Variants in ADGB observed in about 807,000 individuals in gnomAD.
ADGB encodes the protein androglobin.
ADGB carries 172 observed loss-of-function variants against 210.5 expected under a neutral mutation model. That is an observed-to-expected ratio of 0.82 (90% confidence interval 0.72 to 0.93). The LOEUF is 0.93. Ranked by LOEUF, ADGB falls within the 40% of genes least tolerant of loss-of-function variation. ADGB has a pLI of 0.00. For missense variants in ADGB, 2,025 were observed against 1,964.8 expected, an observed-to-expected ratio of 1.03 and a Z score of -0.58; for synonymous variants, 658 against 662.7, an observed-to-expected ratio of 0.99 and a Z score of 0.11.
intron 3 of ADGB, among the ~76,000 whole-genome samples, chr6:146,650,579 C>T (rs1171157710): frequency 1.4e-5 from 1 of 69,208 alleles, no homozygotes; most frequent in Non-Finnish European, 2.6e-5. Flanking sequence ...ACAATAAATA[C>T]TCCTGAGTCC....
intron 12 of ADGB, among the ~76,000 whole-genome samples, chr6:146,696,120 G>C (rs950480215): frequency 4.6e-5 from 7 of 150,898 alleles, no homozygotes; most frequent in African/African-American, 1.7e-4. Context: ...CTGCTGCCCA[G>C]GCTAGAGTGC....
At chr6:146,672,898 T>C (rs1776030886) in intron 8 of ADGB, among the ~76,000 whole-genome samples, 2 of 151,836 alleles carry the variant, frequency 1.3e-5, no homozygotes, top group Admixed American at 1.3e-4. Context: ...GCCCAGCTAA[T>C]TTTTGTGTTT....
At chr6:146,703,726 T>A (rs569515933) in intron 13 of ADGB, among the ~76,000 whole-genome samples, 16 of 152,104 alleles carry the variant, frequency 1.1e-4, no homozygotes, top group African/African-American at 3.8e-4. Context: ...TTAGTTTGAT[T>A]TCATATTTTG....
At chr6:146,704,697 T>C (rs1466916058) in intron 13 of ADGB, among the ~76,000 whole-genome samples, 1 of 152,016 alleles carries the variant, frequency 6.6e-6, no homozygotes, top group Non-Finnish European at 1.5e-5. Context: ...TTGTAGTGTA[T>C]TTTGAAGTCA....
chr6:146,791,057 G>A (rs1389035330), intron 33 of ADGB, among the ~76,000 whole-genome samples: 1 of 152,138 alleles, frequency 6.6e-6, no homozygotes, highest in South Asian at 2.1e-4. Context: ...TCTTATTATT[G>A]AGTAGCTTAA....
At chr6:146,614,971 G>T (rs986427150) in intron 1 of ADGB, among the ~76,000 whole-genome samples, 4 of 152,176 alleles carry the variant, frequency 2.6e-5, no homozygotes, top group Non-Finnish European at 5.9e-5. Context: ...CACGATCTCG[G>T]CTCCCTGCAG....
At chr6:146,626,869 CT>C (rs1780980233) in intron 1 of ADGB, among the ~76,000 whole-genome samples, 1 of 151,748 alleles carries the variant, frequency 6.6e-6, no homozygotes, top group Non-Finnish European at 1.5e-5. Flanking sequence ...TTAATCCCTT[CT>C]TGGTGACAAC....
intron 1 of ADGB, among the ~76,000 whole-genome samples, chr6:146,612,425 G>A (rs566860656): frequency 3.9e-5 from 6 of 152,084 alleles, no homozygotes; most frequent in Middle Eastern, 3.4e-3. Context: ...CTCATTTTAG[G>A]GAATGTTACT....
chr6:146,693,742 C>T (rs1776364979), intron 12 of ADGB, among the ~76,000 whole-genome samples: 1 of 152,062 alleles, frequency 6.6e-6, no homozygotes, highest in Admixed American at 6.6e-5. Context: ...TCAAGAGAAG[C>T]CACGCCGCAC....
rs148890022 is a variant in ADGB at position 146,735,409 on chromosome 6, G to T, written c.2795-1089G>T. The stretch of plus-strand genomic sequence containing the variant: ...CACATTCATGAAAGAGAGAGAGAGA[G>T]ATAAAGGAGGGATAGAGAGAGCCAG... On this transcript the variant is annotated intron_variant, in intron 22 of 35. Coordinates refer to ENST00000397944, the MANE Select transcript of ADGB (RefSeq NM_024694.4). Among the ~76,000 whole-genome samples the T allele has an allele frequency of 1.3e-3, 199 of 152,180 alleles. 2 individuals are homozygous for T. The highest frequency in any genetic ancestry group is 4.6e-3 in the African/African-American group (191 of 41,490).
chr6:146,622,333 G>A (rs1780906069), intron 1 of ADGB, among the ~76,000 whole-genome samples: 1 of 152,096 alleles, frequency 6.6e-6, no homozygotes. Context: ...GTATCAGCTG[G>A]GCTGGGTTCT....
intron 7 of ADGB, 29 bp downstream of exon 7, chr6:146,666,931 C>T (rs1295098324): frequency 6.9e-7 from 1 of 1,443,894 alleles, no homozygotes; most frequent in African/African-American, 1.4e-5. Flanking sequence ...TTGCTCATAT[C>T]TATTTTTTTT....
intron 7 of ADGB, among the ~76,000 whole-genome samples, chr6:146,670,479 T>A (rs1281480268): frequency 6.6e-6 from 1 of 152,164 alleles, no homozygotes; most frequent in Non-Finnish European, 1.5e-5. Flanking sequence ...TGGAATGACC[T>A]TTCATCAGAT....
chr6:146,739,946 T>C (rs920407650), intron 23 of ADGB, among the ~76,000 whole-genome samples: 1 of 152,198 alleles, frequency 6.6e-6, no homozygotes, highest in Non-Finnish European at 1.5e-5. Context: ...TACTCCCTTA[T>C]ACACTCAGAA....
At chr6:146,609,634 G>A (rs59181538) in intron 1 of ADGB, among the ~76,000 whole-genome samples, 10,580 of 152,212 alleles carry the variant, frequency 0.07, 410 homozygotes, top group East Asian at 0.14. Context: ...TTTTAAAGGA[G>A]GTCTGGTGGT....
At chr6:146,794,364 A>T (rs962321578) in intron 33 of ADGB, among the ~76,000 whole-genome samples, 2 of 152,114 alleles carry the variant, frequency 1.3e-5, no homozygotes, top group African/African-American at 4.8e-5. Context: ...GGGTGTTGGG[A>T]GCAAACTGAG....
At position 146,728,463 on chromosome 6, in the gene ADGB, G is replaced by T. The variant is rs192794449; in HGVS notation, c.2353-111G>T. On this transcript the variant is annotated intron_variant, in intron 19 of 35. Coordinates refer to ENST00000397944, the MANE Select transcript of ADGB (RefSeq NM_024694.4). ...ACCTTGATATCAAATCCTCTATAAA[G>T]AATTATTGAATCATATAGCAGAGAT... 4.2e-4 allele frequency: 462 copies of T among 1,090,912 alleles called. 1 individual carries two copies. The African/African-American group carries it at 6.2e-3, about 15-fold the overall frequency. The allele number at this position is 1,090,912 out of a possible 1,614,324, so 67.6% of individuals were successfully genotyped here. A position where few individuals can be genotyped will look rare whatever the true frequency, so the allele number is the denominator to read the frequency against.
intron 10 of ADGB, among the ~76,000 whole-genome samples, chr6:146,690,744 G>GT (rs886394020): frequency 6.6e-5 from 10 of 152,144 alleles, no homozygotes; most frequent in South Asian, 4.2e-4. Context: ...GCAATGGCTA[G>GT]TTTTTTTTAA....
chr6:146,734,361 T>C (rs1327680089), intron 22 of ADGB, among the ~76,000 whole-genome samples: 1 of 152,244 alleles, frequency 6.6e-6, no homozygotes, highest in Non-Finnish European at 1.5e-5. Flanking sequence ...ATATCCCAAG[T>C]AGCTAGCACC....
Sources: allele counts gnomAD v4.1 joint callset (sites outside exome capture counted in the v4.1 genomes callset), GRCh38; gene constraint gnomAD v4.1.1; transcripts MANE v1.5; gene names NCBI Gene and HGNC (gene_info 2026-07-23, HGNC 2026-07-21).